The following BTD variants were observed in gnomAD, a reference collection of about 807,000 sequenced individuals.
BTD encodes biocytinase.
Under a neutral mutation model 17.7 loss-of-function variants are expected in BTD, and 13 were observed. The observed-to-expected ratio is 0.74, with a 90% confidence interval of 0.48 to 1.17. The LOEUF is 1.17. Ranked by LOEUF, BTD falls within the 50% of genes most tolerant of loss-of-function variation. BTD has a pLI of 0.00. For missense variants in BTD, 674 were observed against 650.4 expected, an observed-to-expected ratio of 1.04 and a Z score of -0.39; for synonymous variants, 240 against 245.2, an observed-to-expected ratio of 0.98 and a Z score of 0.20.
chr3:15,705,355 G>A (rs2071212507), intron 3 of BTD, among the ~76,000 whole-genome samples: 1 of 152,072 alleles, frequency 6.6e-6, no homozygotes, highest in African/African-American at 2.4e-5. Flanking sequence ...CAGGTTTAGT[G>A]CATTTGTCTA....
chr3:15,657,871 A>C (rs1465084590), downstream of BTD, among the ~76,000 whole-genome samples: 1 of 152,208 alleles, frequency 6.6e-6, no homozygotes, highest in South Asian at 2.1e-4. Flanking sequence ...ACAGGTTGAC[A>C]AAACAGTTGG....
chr3:15,623,887 G>C (rs971328706), intron 1 of BTD, among the ~76,000 whole-genome samples: 1 of 152,212 alleles, frequency 6.6e-6, no homozygotes, highest in African/African-American at 2.4e-5. Context: ...TTCTTGTACA[G>C]CCTGTGGAAC....
At chr3:15,688,081 GA>G (rs1312633778) in intron 3 of BTD, among the ~76,000 whole-genome samples, 5 of 152,142 alleles carry the variant, frequency 3.3e-5, no homozygotes, top group African/African-American at 1.2e-4. Context: ...TTGTGGGTAG[GA>G]TTTATGCTGA....
chr3:15,676,107 G>A (rs17041435), intron 3 of BTD: 67,041 of 686,448 alleles, frequency 0.098, 3,842 homozygotes, highest in Middle Eastern at 0.14. Flanking sequence ...GTACAAACTC[G>A]AGAAACCTAG....
chr3:15,691,037 A>C (rs74874389), intron 3 of BTD, among the ~76,000 whole-genome samples: 5 of 152,206 alleles, frequency 3.3e-5, no homozygotes, highest in African/African-American at 1.2e-4. Context: ...AGAAATGCAT[A>C]ACCGAGCCCT....
At chr3:15,684,463 T>C (rs2067879296) in intron 3 of BTD, 2 of 152,342 alleles carry the variant, frequency 1.3e-5, no homozygotes, top group South Asian at 4.1e-4. Flanking sequence ...TGGATATTAC[T>C]GGTAATATAA....
rs183428495 is a variant in BTD, at chr3:15,635,012, T to A, written c.-16-412T>A. On this transcript the variant is annotated intron_variant, in intron 1 of 3. Coordinates refer to ENST00000643237, the MANE Select transcript of BTD (RefSeq NM_001370658.1). This position sits in a 1 kb window ranked among gnomAD's most constrained non-coding sequence, Gnocchi z 4.1. ...TCACAGACATTACGGATGGCTGACCTGTAGTATGGATAGAGGGCAGAGGGT... is the reference window on the plus strand; with the variant it reads ...TCACAGACATTACGGATGGCTGACCAGTAGTATGGATAGAGGGCAGAGGGT... Among the ~76,000 whole-genome samples, 1 of 117,764 alleles carries A rather than the reference T, an allele frequency of 8.5e-6. No homozygotes were observed. Among genetic ancestry groups the A allele is most frequent in the African/African-American group, 4.2e-5 (1 of 23,718 alleles). The allele number at this position is 117,764 out of a possible 152,430, so 77.3% of individuals were successfully genotyped here. A position where few individuals can be genotyped will look rare whatever the true frequency, so the allele number is the denominator to read the frequency against.
At chr3:15,668,579 GCA>G (rs1438310596) in intron 3 of BTD, 1 of 152,396 alleles carries the variant, frequency 6.6e-6, no homozygotes, top group South Asian at 2.1e-4. Flanking sequence ...TAGATAATAT[GCA>G]CAGATACAAA....
chr3:15,613,177 A>G (rs1363116159), intron 1 of BTD, among the ~76,000 whole-genome samples: 9 of 152,152 alleles, frequency 5.9e-5, no homozygotes. Context: ...TTCCACCTGC[A>G]CTCAAGAAAA....
rs561689032 is a variant in BTD, at chr3:15,649,844, C to G, written c.*4356C>G. 2.0e-5 allele frequency among the ~76,000 whole-genome samples: 3 copies of G among 152,352 alleles called. No homozygotes were observed. Among genetic ancestry groups the G allele is most frequent in the Admixed American group, 2.0e-4 (3 of 15,308 alleles). On this transcript the variant is annotated 3_prime_UTR_variant, in exon 4 of 4. Transcript: ENST00000643237. ...TGAGTTCCCTCTGCCGGAACATGAG[C>G]CATGCCTAGAGTAGCCACCTAGTAG...
At chr3:15,679,477 C>T (rs781514826) in intron 3 of BTD, 19 of 1,613,724 alleles carry the variant, frequency 1.2e-5, no homozygotes, top group Middle Eastern at 1.6e-4. Context: ...TTTACTTACA[C>T]GGCACAATGC....
chr3:15,621,289 C>T (rs1056254840), intron 1 of BTD, among the ~76,000 whole-genome samples: 2 of 152,192 alleles, frequency 1.3e-5, no homozygotes, highest in African/African-American at 4.8e-5. Flanking sequence ...AATTAATCCT[C>T]ACAGTAGTTT....
At chr3:15,689,603 T>C (rs865786963) in intron 3 of BTD, among the ~76,000 whole-genome samples, 10 of 152,218 alleles carry the variant, frequency 6.6e-5, no homozygotes, top group African/African-American at 2.4e-4. Context: ...TAAACACTTG[T>C]GTGGGACAGG....
intron 3 of BTD, among the ~76,000 whole-genome samples, chr3:15,699,471 G>A (rs1015115759): frequency 6.6e-6 from 1 of 152,040 alleles, no homozygotes; most frequent in Non-Finnish European, 1.5e-5. Context: ...CAGAATGGGA[G>A]AAAATTTTTG....
chr3:15,601,671 C>T, upstream of BTD: 1 of 1,554,206 alleles, frequency 6.4e-7, no homozygotes, highest in East Asian at 2.4e-5. Context: ...CACGCGCGTT[C>T]TCCAATCAGA....
exon 4 of BTD, among the ~76,000 whole-genome samples, chr3:15,712,665 A>G (rs2072470535): frequency 6.6e-6 from 1 of 152,264 alleles, no homozygotes; most frequent in Non-Finnish European, 1.5e-5. Context: ...ATGTTCAAGA[A>G]TATTTATTGT....
chr3:15,643,760 T>C (rs1464691554), intron 3 of BTD, among the ~76,000 whole-genome samples: 2 of 151,354 alleles, frequency 1.3e-5, no homozygotes, highest in African/African-American at 2.4e-5. Context: ...TACTTTTATA[T>C]TTAAAAATTG....
intron 1 of BTD, among the ~76,000 whole-genome samples, chr3:15,627,159 A>C (rs2065086694): frequency 6.6e-6 from 1 of 152,176 alleles, no homozygotes; most frequent in African/African-American, 2.4e-5. Context: ...CTGAGCAGCC[A>C]CGGCATGCCG....
At chr3:15,607,231 G>A (rs962173892) in intron 1 of BTD, among the ~76,000 whole-genome samples, 6 of 152,038 alleles carry the variant, frequency 3.9e-5, no homozygotes, top group African/African-American at 1.4e-4. Context: ...TTTACTGATT[G>A]GTGGGAGGAA....
Sources: allele counts gnomAD v4.1 joint callset (sites outside exome capture counted in the v4.1 genomes callset), GRCh38; gene constraint gnomAD v4.1.1; non-coding constraint Gnocchi (gnomAD v3.1); transcripts MANE v1.5; gene names NCBI Gene and HGNC (gene_info 2026-07-23, HGNC 2026-07-21).